The following DPH6 variants were observed in gnomAD, a reference collection of about 807,000 sequenced individuals.
The protein encoded by DPH6 is diphthamine biosynthesis 6.
In DPH6, 33 loss-of-function variants were observed where a neutral mutation model predicts 38.2. That is an observed-to-expected ratio of 0.86 (90% CI 0.65 to 1.15). The LOEUF (loss-of-function observed/expected upper bound fraction) is 1.15. DPH6 is among the 50% of genes most tolerant of loss of function. The pLI is 0.00. For synonymous variants in DPH6, 108 were observed against 103.0 expected (o/e 1.05, Z -0.30); for missense variants, 325 against 320.0 (o/e 1.02, Z -0.12).
At position 35,354,561 on chromosome 15, in the gene DPH6, C is replaced by T. The variant is rs952497819; in HGVS notation, n.207+18960G>A. Among the ~76,000 whole-genome samples, 7 of 152,222 alleles carry T rather than the reference C, an allele frequency of 4.6e-5. No individual in the cohort carries two copies. In the South Asian group the frequency reaches 1.5e-3, roughly 32 times the overall value. On this transcript the variant is annotated intron_variant and non_coding_transcript_variant, in intron 3 of 3. Coordinates refer to the DPH6 transcript ENST00000558973. ...AATCATGTGGTTTTTGTCTTTGGTT[C>T]TGTTTATATGCTGGATTATGTTTAT...
chr15:35,202,542 A>T, the DPH6 span, among the ~76,000 whole-genome samples: 1 of 151,818 alleles, frequency 6.6e-6, no homozygotes, highest in South Asian at 2.1e-4. Context: ...GTATTATTTT[A>T]GCCTATTACA....
At chr15:35,406,265 C>A (rs998209346) in intron 6 of DPH6, among the ~76,000 whole-genome samples, 1 of 151,944 alleles carries the variant, frequency 6.6e-6, no homozygotes, top group Non-Finnish European at 1.5e-5. Context: ...CTCTGGGAAA[C>A]CATCGATAGT....
rs750530082 is a variant in DPH6, at chr15:35,511,982, C to T, written c.312+26292G>A. On this transcript the variant is annotated intron_variant, in intron 3 of 8. Coordinates refer to ENST00000256538, the MANE Select transcript of DPH6 (RefSeq NM_080650.4). ...CTATAGTTTTGTTTTGTTTTTAATG[C>T]CATAATAGAAACTGTCAACATTAAT... is the stretch of plus-strand genomic sequence containing the variant. 5.1e-4 allele frequency among the ~76,000 whole-genome samples: 78 copies of T among 151,662 alleles called. 1 individual carries two copies. The highest frequency in any genetic ancestry group is 2.0e-4 in the Admixed American group (3 of 15,200).
chr15:35,280,325 C>T (rs1007077588), intron 3 of DPH6, among the ~76,000 whole-genome samples: 5 of 152,150 alleles, frequency 3.3e-5, no homozygotes, highest in African/African-American at 1.2e-4. Flanking sequence ...CATTAGTAGG[C>T]TTCTTCAAAT....
chr15:35,171,047 G>A, the DPH6 span, among the ~76,000 whole-genome samples: 1 of 152,140 alleles, frequency 6.6e-6, no homozygotes, highest in East Asian at 1.9e-4. Flanking sequence ...CAGTTATCAG[G>A]TCCTCTAGAG....
At chr15:35,446,357 A>T (rs1453155422) in intron 5 of DPH6, among the ~76,000 whole-genome samples, 4 of 151,488 alleles carry the variant, frequency 2.6e-5, no homozygotes, top group Non-Finnish European at 5.9e-5. Context: ...CAGCCTCCCA[A>T]GTAGCTGGGA....
intron 5 of DPH6, among the ~76,000 whole-genome samples, chr15:35,443,973 G>A (rs988998178): frequency 1.3e-5 from 2 of 152,122 alleles, no homozygotes; most frequent in African/African-American, 4.8e-5. Flanking sequence ...ATAATTTCAA[G>A]AAGAGAAGTA....
chr15:35,545,963 AC>A (rs2055345791), intron 1 of DPH6, among the ~76,000 whole-genome samples, 155 bp downstream of exon 1: 1 of 152,212 alleles, frequency 6.6e-6, no homozygotes, highest in African/African-American at 2.4e-5. Flanking sequence ...CGGGCCGGCA[AC>A]AGCGAAGGCT....
At chr15:35,296,634 T>C (rs774036567) in intron 3 of DPH6, among the ~76,000 whole-genome samples, 1 of 152,226 alleles carries the variant, frequency 6.6e-6, no homozygotes, top group Non-Finnish European at 1.5e-5. Context: ...TGAATGTTAC[T>C]AGAGAAAAAC....
chr15:35,321,163 A>G (rs929315860), intron 3 of DPH6, among the ~76,000 whole-genome samples: 1 of 152,230 alleles, frequency 6.6e-6, no homozygotes, highest in Non-Finnish European at 1.5e-5. Flanking sequence ...GTCTTTCAAT[A>G]GGTTTACAAA....
At chr15:35,303,154 C>T (rs1031593524) in intron 3 of DPH6, among the ~76,000 whole-genome samples, 2 of 152,048 alleles carry the variant, frequency 1.3e-5, no homozygotes, top group African/African-American at 4.8e-5. Context: ...AAATAAAGCA[C>T]TCCCTGACTT....
chr15:35,467,516 A>G (rs956939602), intron 3 of DPH6, among the ~76,000 whole-genome samples: 13 of 152,206 alleles, frequency 8.5e-5, no homozygotes, highest in African/African-American at 3.1e-4. Context: ...CAGTGAGCTG[A>G]GATCGCACCA....
At chr15:35,391,031 C>T (rs2053048445) in intron 6 of DPH6, among the ~76,000 whole-genome samples, 1 of 152,162 alleles carries the variant, frequency 6.6e-6, no homozygotes, top group African/African-American at 2.4e-5. Context: ...GTGTGGATGT[C>T]CTGTCTTTTT....
At chr15:35,398,637 A>G (rs1405008817) in intron 6 of DPH6, among the ~76,000 whole-genome samples, 1 of 152,198 alleles carries the variant, frequency 6.6e-6, no homozygotes, top group Non-Finnish European at 1.5e-5. Flanking sequence ...TGAATAAACC[A>G]GTAAATGTAA....
At chr15:35,488,640 C>T (rs962688921) in intron 3 of DPH6, among the ~76,000 whole-genome samples, 7 of 152,024 alleles carry the variant, frequency 4.6e-5, no homozygotes, top group African/African-American at 1.7e-4. Flanking sequence ...ATGGGGATTA[C>T]AATTTGAGAT....
At chr15:35,381,065 TC>T (rs1346595668) in intron 7 of DPH6, among the ~76,000 whole-genome samples, 1 of 152,188 alleles carries the variant, frequency 6.6e-6, no homozygotes, top group Non-Finnish European at 1.5e-5. Context: ...GATCACTCCT[TC>T]CCTCATTATT....
the DPH6 span, among the ~76,000 whole-genome samples, chr15:35,197,460 G>GA: frequency 1.2e-4 from 18 of 150,842 alleles, no homozygotes; most frequent in East Asian, 1.9e-4. Context: ...CCCCAAAAGA[G>GA]AAAAAAAAAT....
At chr15:35,224,101 T>A (rs911938001) in intron 3 of DPH6, among the ~76,000 whole-genome samples, 2 of 65,488 alleles carry the variant, frequency 3.1e-5, no homozygotes, top group Non-Finnish European at 5.4e-5. Flanking sequence ...ATGATTTTAG[T>A]TTTTTTTTTT....
chr15:35,326,408 T>G (rs2052282415), downstream of DPH6, among the ~76,000 whole-genome samples: 1 of 152,124 alleles, frequency 6.6e-6, no homozygotes, highest in South Asian at 2.1e-4. Flanking sequence ...TCTTTTAAAA[T>G]TAGCCAAATA....
Sources: allele counts gnomAD v4.1 joint callset (sites outside exome capture counted in the v4.1 genomes callset), GRCh38; gene constraint gnomAD v4.1.1; transcripts MANE v1.5; gene names NCBI Gene and HGNC (gene_info 2026-07-23, HGNC 2026-07-21).